CADPS2: variants seen among roughly 807,000 people sequenced by gnomAD.
CADPS2 encodes the protein calcium dependent secretion activator 2.
Under a neutral mutation model 172.5 loss-of-function variants are expected in CADPS2, and 93 were observed. The observed-to-expected ratio is 0.54, with a 90% CI of 0.46 to 0.64. CADPS2 has a LOEUF of 0.64. CADPS2 is among the 30% of genes least tolerant of loss of function. CADPS2 has a pLI of 0.00. For missense variants in CADPS2, 1,420 were observed against 1,565.9 expected (o/e 0.91, Z 1.57); for synonymous variants, 546 against 555.2 (o/e 0.98, Z 0.23).
intron 9 of CADPS2, among the ~76,000 whole-genome samples, chr7:122,497,231 GAAC>G (rs761431794): frequency 4.6e-5 from 7 of 151,926 alleles, no homozygotes; most frequent in Admixed American, 2.6e-4. Context: ...AGATCTCTAT[GAAC>G]AACAACTGGG....
intron 2 of CADPS2, chr7:122,697,786 C>A: frequency 6.4e-7 from 1 of 1,564,170 alleles, no homozygotes; most frequent in South Asian, 1.2e-5. Context: ...AAAGTCATGC[C>A]ATCAAGGTGA....
At chr7:122,658,027 T>C (rs1199378071) in intron 3 of CADPS2, among the ~76,000 whole-genome samples, 1 of 151,966 alleles carries the variant, frequency 6.6e-6, no homozygotes, top group Non-Finnish European at 1.5e-5. Context: ...TACAAAGAAC[T>C]CAAACAAATT....
chr7:122,600,480 C>G (rs1289222093), intron 6 of CADPS2, among the ~76,000 whole-genome samples: 1 of 152,024 alleles, frequency 6.6e-6, no homozygotes, highest in Non-Finnish European at 1.5e-5. Context: ...GTTAGTAAGT[C>G]TCATCAAAAA....
intron 25 of CADPS2, among the ~76,000 whole-genome samples, chr7:122,364,345 G>T (rs2151174379): frequency 6.8e-6 from 1 of 148,030 alleles, no homozygotes; most frequent in East Asian, 2.0e-4. Flanking sequence ...GGAGTTCAAG[G>T]CTAAACTGAA....
At chr7:122,378,843 C>G (rs541274708) in intron 25 of CADPS2, 2 of 152,418 alleles carry the variant, frequency 1.3e-5, no homozygotes, top group Admixed American at 1.3e-4. Flanking sequence ...CTAAATGATG[C>G]GCCCACTGCT....
chr7:122,514,220 T>C (rs2060192726), intron 8 of CADPS2, among the ~76,000 whole-genome samples: 1 of 152,040 alleles, frequency 6.6e-6, no homozygotes, highest in African/African-American at 2.4e-5. Context: ...AGAGGCCTAA[T>C]TTTAAGACTA....
At chr7:122,882,857 T>A (rs1339848714) in intron 1 of CADPS2, among the ~76,000 whole-genome samples, 1 of 152,070 alleles carries the variant, frequency 6.6e-6, no homozygotes, top group Non-Finnish European at 1.5e-5. Flanking sequence ...ACTACTGACA[T>A]CACTTTCAAT....
chr7:122,714,667 T>A (rs2089319697), intron 2 of CADPS2, among the ~76,000 whole-genome samples: 1 of 152,100 alleles, frequency 6.6e-6, no homozygotes, highest in Non-Finnish European at 1.5e-5. Flanking sequence ...TAGCACAAGA[T>A]CCATTGCCAC....
chr7:122,828,454 T>C (rs1206673876), intron 1 of CADPS2, among the ~76,000 whole-genome samples: 1 of 152,138 alleles, frequency 6.6e-6, no homozygotes, highest in Non-Finnish European at 1.5e-5. Flanking sequence ...TGTTTTCTAC[T>C]TGTTTCCTCT....
chr7:122,443,745 C>G (rs1416144169), intron 15 of CADPS2, among the ~76,000 whole-genome samples: 1 of 126,868 alleles, frequency 7.9e-6, no homozygotes, highest in Non-Finnish European at 1.6e-5. Context: ...ATGCTGTCAA[C>G]TTTTAGCTGA....
chr7:122,375,416 CAG>C (rs1420747173), intron 25 of CADPS2, among the ~76,000 whole-genome samples: 20 of 152,156 alleles, frequency 1.3e-4, no homozygotes, highest in African/African-American at 4.3e-4. Flanking sequence ...TAGAACAAAA[CAG>C]AGAGCTCAGA....
At chr7:122,707,531 A>G (rs1283701581) in intron 2 of CADPS2, among the ~76,000 whole-genome samples, 1 of 151,972 alleles carries the variant, frequency 6.6e-6, no homozygotes, top group Non-Finnish European at 1.5e-5. Context: ...GAAAACCAAT[A>G]AACTACCTCA....
rs185072237 is a variant in CADPS2 at position 122,742,819 on chromosome 7, T to G, written c.340-5751A>C. Among the ~76,000 whole-genome samples, 701 of 152,282 alleles carry G rather than the reference T, an allele frequency of 4.6e-3. 2 individuals are homozygous for G. Among genetic ancestry groups the G allele is most frequent in the Non-Finnish European group, 8.0e-3 (545 of 68,006 alleles). ...TCACCTGATGACTAGAGAGCTCTCTTAGCTTTGTTATAATCACTAACATAA... is the reference window on the plus strand; with the variant it reads ...TCACCTGATGACTAGAGAGCTCTCTGAGCTTTGTTATAATCACTAACATAA... On this transcript the variant is annotated intron_variant, in intron 1 of 29. Transcript: ENST00000449022.
chr7:122,473,766 T>C (rs1235171736), intron 13 of CADPS2, among the ~76,000 whole-genome samples: 9 of 152,184 alleles, frequency 5.9e-5, no homozygotes, highest in African/African-American at 2.2e-4. Context: ...TAAATTATAC[T>C]TCATATCCCA....
intron 17 of CADPS2, among the ~76,000 whole-genome samples, chr7:122,431,265 G>A (rs2049872737): frequency 6.6e-6 from 1 of 152,152 alleles, no homozygotes; most frequent in Non-Finnish European, 1.5e-5. Flanking sequence ...AATATGTGCT[G>A]GGCACATCTC....
intron 25 of CADPS2, among the ~76,000 whole-genome samples, chr7:122,376,868 ATT>A (rs1449390319): frequency 6.6e-6 from 1 of 152,032 alleles, no homozygotes; most frequent in Admixed American, 6.6e-5. Context: ...AGCATGTACA[ATT>A]TTTCTGTCTG....
chr7:122,883,090 T>G (rs1408268290), intron 1 of CADPS2, among the ~76,000 whole-genome samples: 1 of 152,196 alleles, frequency 6.6e-6, no homozygotes, highest in African/African-American at 2.4e-5. Flanking sequence ...AAGAAATTCA[T>G]GTGTTCGTTA....
chr7:122,567,039 C>G (rs2066563675), intron 7 of CADPS2, among the ~76,000 whole-genome samples: 1 of 152,152 alleles, frequency 6.6e-6, no homozygotes, highest in Non-Finnish European at 1.5e-5. Flanking sequence ...GTTGCTTTAT[C>G]TGGAAAGTGA....
At chr7:122,770,234 T>C (rs2093667394) in intron 1 of CADPS2, among the ~76,000 whole-genome samples, 1 of 152,144 alleles carries the variant, frequency 6.6e-6, no homozygotes, top group Admixed American at 6.6e-5. Context: ...TTTCCTTCTT[T>C]CCTACCCCCA....
Sources: gnomAD v4.1 joint callset for allele counts (sites outside exome capture counted in the v4.1 genomes callset) on GRCh38, gnomAD v4.1.1 for gene constraint, MANE v1.5 for transcripts, NCBI Gene and HGNC (gene_info 2026-07-23, HGNC 2026-07-21) for gene names.